Variants in NIBAN1 observed in about 807,000 individuals in gnomAD.
NIBAN1 encodes niban apoptosis regulator 1.
In NIBAN1, 81 loss-of-function variants were observed where a neutral mutation model predicts 75.1. That is an observed-to-expected ratio of 1.08 (90% CI 0.90 to 1.30). The LOEUF (loss-of-function observed/expected upper bound fraction) is 1.30. NIBAN1 is among the 50% of genes most tolerant of loss of function. The probability of loss-of-function intolerance (pLI) is 0.00; values close to 1 mark genes in which losing one functional copy is unlikely to be tolerated. For missense variants in NIBAN1, 1,133 were observed against 1,128.1 expected, an observed-to-expected ratio of 1.00 and a Z score of -0.06; for synonymous variants, 436 against 424.8, an observed-to-expected ratio of 1.03 and a Z score of -0.32.
intron 1 of NIBAN1, among the ~76,000 whole-genome samples, chr1:184,914,662 A>G (rs574744913): frequency 6.6e-6 from 1 of 152,292 alleles, no homozygotes; most frequent in South Asian, 2.1e-4. Flanking sequence ...TGTAGTGAAG[A>G]AGATTAACAT....
intron 1 of NIBAN1, among the ~76,000 whole-genome samples, chr1:184,949,741 G>C (rs1449599069): frequency 6.6e-6 from 1 of 152,166 alleles, no homozygotes; most frequent in African/African-American, 2.4e-5. Context: ...TTTTCCTTCA[G>C]AGTGACTATT....
intron 9 of NIBAN1, among the ~76,000 whole-genome samples, chr1:184,817,937 C>T (rs1413945317): frequency 2.0e-5 from 3 of 152,200 alleles, no homozygotes; most frequent in Admixed American, 6.5e-5. Flanking sequence ...AGGCAAATGC[C>T]GAGCTGTAAC....
chr1:184,954,279 G>A (rs1173658302), intron 1 of NIBAN1, among the ~76,000 whole-genome samples: 1 of 152,172 alleles, frequency 6.6e-6, no homozygotes, highest in African/African-American at 2.4e-5. Context: ...TGAGACAAAA[G>A]AGAATGAAAC....
intron 1 of NIBAN1, among the ~76,000 whole-genome samples, chr1:184,920,910 G>A (rs1403801342): frequency 6.6e-6 from 1 of 152,120 alleles, no homozygotes; most frequent in African/African-American, 2.4e-5. Context: ...AAGGCAGGTG[G>A]ATCACCTGAG....
intron 4 of NIBAN1, among the ~76,000 whole-genome samples, chr1:184,885,080 G>A (rs558445359): frequency 2.7e-4 from 41 of 152,178 alleles, no homozygotes; most frequent in Admixed American, 5.2e-4. Flanking sequence ...ACAGAGTCTC[G>A]CTCTGTCACC....
At chr1:184,836,329 T>C (rs1448797032) in intron 5 of NIBAN1, among the ~76,000 whole-genome samples, 15 of 152,212 alleles carry the variant, frequency 9.9e-5, no homozygotes, top group Non-Finnish European at 8.8e-5. Flanking sequence ...AATATGGTAC[T>C]GTGTCTGGAT....
intron 5 of NIBAN1, among the ~76,000 whole-genome samples, chr1:184,870,806 A>G (rs184023564): frequency 1.2e-3 from 182 of 152,340 alleles, no homozygotes; most frequent in Non-Finnish European, 2.0e-3. Flanking sequence ...TGAAGAAAAG[A>G]CATAGTGGAT....
At chr1:184,890,816 C>T (rs1208246019) in intron 3 of NIBAN1, among the ~76,000 whole-genome samples, 2 of 152,162 alleles carry the variant, frequency 1.3e-5, no homozygotes, top group Non-Finnish European at 2.9e-5. Context: ...CAAATGCTGG[C>T]CAGCAGACAA....
chr1:184,958,123 T>C (rs1235152342), intron 1 of NIBAN1, among the ~76,000 whole-genome samples: 1 of 152,164 alleles, frequency 6.6e-6, no homozygotes, highest in Non-Finnish European at 1.5e-5. Flanking sequence ...TCCCAGCATT[T>C]TGGGAGGCCA....
chr1:184,876,224 C>G (rs1656230927), intron 5 of NIBAN1, among the ~76,000 whole-genome samples: 2 of 148,918 alleles, frequency 1.3e-5, no homozygotes, highest in South Asian at 4.2e-4. Flanking sequence ...ATCAAGGAAA[C>G]AAGAGAGGAG....
At chr1:184,949,926 C>A (rs928844104) in intron 1 of NIBAN1, among the ~76,000 whole-genome samples, 2 of 152,124 alleles carry the variant, frequency 1.3e-5, no homozygotes, top group Admixed American at 6.5e-5. Flanking sequence ...AAGGCTCTTG[C>A]ACCCCCAGGC....
chr1:184,935,667 G>C (rs929330159), intron 1 of NIBAN1, among the ~76,000 whole-genome samples: 1 of 152,008 alleles, frequency 6.6e-6, no homozygotes, highest in Non-Finnish European at 1.5e-5. Context: ...CAAAAATTCA[G>C]ACTGGCTTGA....
intron 1 of NIBAN1, among the ~76,000 whole-genome samples, chr1:184,922,017 A>G (rs1419252242): frequency 6.6e-6 from 1 of 152,212 alleles, no homozygotes; most frequent in Non-Finnish European, 1.5e-5. Flanking sequence ...ACACGCACAT[A>G]ATTAAGTTGA....
chr1:184,831,710 T>C, intron 6 of NIBAN1, 137 bp downstream of exon 6: 1 of 651,694 alleles, frequency 1.5e-6, no homozygotes, highest in South Asian at 1.9e-5. Flanking sequence ...CTTGCAGACA[T>C]GAGAGAGATG....
At chr1:184,955,336 C>CCTTTCCTTTT (rs1658458953) in intron 1 of NIBAN1, among the ~76,000 whole-genome samples, 1 of 146,456 alleles carries the variant, frequency 6.8e-6, no homozygotes, top group Non-Finnish European at 1.5e-5. Context: ...CCTTTCCTTT[C>CCTTTCCTTTT]CTTTCCTTTC....
intron 1 of NIBAN1, among the ~76,000 whole-genome samples, chr1:184,953,298 C>G (rs1351194354): frequency 6.6e-6 from 1 of 152,198 alleles, no homozygotes; most frequent in Non-Finnish European, 1.5e-5. Context: ...CTTGGGTGCT[C>G]TACCTCCACA....
intron 1 of NIBAN1, among the ~76,000 whole-genome samples, chr1:184,916,687 T>A (rs1398521487): frequency 6.6e-6 from 1 of 152,122 alleles, no homozygotes. Context: ...ATATTTTATA[T>A]TTATAATAAG....
At chr1:184,821,860 C>T (rs1654711524) in intron 8 of NIBAN1, among the ~76,000 whole-genome samples, 1 of 152,152 alleles carries the variant, frequency 6.6e-6, no homozygotes, top group Non-Finnish European at 1.5e-5. Flanking sequence ...CGTAAATAGA[C>T]ACCCAGAGAT....
chr1:184,829,323 A>G (rs977459033), intron 6 of NIBAN1, among the ~76,000 whole-genome samples: 1 of 151,990 alleles, frequency 6.6e-6, no homozygotes, highest in Non-Finnish European at 1.5e-5. Context: ...CATGTTTTCT[A>G]TGTGTGTCTC....
Sources: gnomAD v4.1 joint callset for allele counts (sites outside exome capture counted in the v4.1 genomes callset) on GRCh38, gnomAD v4.1.1 for gene constraint, MANE v1.5 for transcripts, NCBI Gene and HGNC (gene_info 2026-07-23, HGNC 2026-07-21) for gene names.